Variants in STK3 observed in about 807,000 individuals in gnomAD.
STK3 encodes serine/threonine-protein kinase 3.
STK3 carries 41 observed loss-of-function variants against 58.0 expected under a neutral mutation model. The observed-to-expected ratio is 0.71, with a 90% CI of 0.55 to 0.92. The LOEUF is 0.92. Ranked by LOEUF, STK3 falls within the 40% of genes least tolerant of loss-of-function variation. The pLI, the probability that STK3 is intolerant of heterozygous loss-of-function variation, is 0.00. For synonymous variants in STK3, 170 were observed against 191.0 expected, an observed-to-expected ratio of 0.89 and a Z score of 0.91; for missense variants, 479 against 602.7, an observed-to-expected ratio of 0.79 and a Z score of 2.15.
intron 10 of STK3, among the ~76,000 whole-genome samples, chr8:98,458,110 CAT>C (rs752978953): frequency 2.1e-3 from 236 of 113,682 alleles, no homozygotes; most frequent in Middle Eastern, 9.1e-3. Context: ...CATACACACA[CAT>C]ATACACACAC....
chr8:98,569,761 C>T (rs945009011), intron 8 of STK3, among the ~76,000 whole-genome samples: 19 of 151,726 alleles, frequency 1.3e-4, no homozygotes, highest in African/African-American at 4.3e-4. Flanking sequence ...AAAAATTAGA[C>T]ATAACAAGTA....
At chr8:98,467,876 A>G (rs1563632365) in intron 10 of STK3, among the ~76,000 whole-genome samples, 1 of 152,150 alleles carries the variant, frequency 6.6e-6, no homozygotes. Context: ...TAATGTCACA[A>G]TTTTCTGCTT....
At chr8:98,355,842 C>T in the STK3 span, among the ~76,000 whole-genome samples, 1 of 152,188 alleles carries the variant, frequency 6.6e-6, no homozygotes, top group African/African-American at 2.4e-5. Flanking sequence ...TTTCCTGGTC[C>T]CCTGAGGTTG....
intron 10 of STK3, among the ~76,000 whole-genome samples, chr8:98,487,558 G>A (rs933934621): frequency 9.9e-5 from 15 of 152,228 alleles, no homozygotes; most frequent in Non-Finnish European, 1.5e-4. Flanking sequence ...TAAATTTTTT[G>A]TCAGGTACAA....
At chr8:98,642,174 G>A (rs992141038) in intron 6 of STK3, among the ~76,000 whole-genome samples, 4 of 152,080 alleles carry the variant, frequency 2.6e-5, no homozygotes, top group African/African-American at 9.7e-5. Context: ...TCAAACCAGT[G>A]GATCTCATGA....
At chr8:98,407,554 G>A (rs996630971) in intron 3 of STK3, among the ~76,000 whole-genome samples, 8 of 152,252 alleles carry the variant, frequency 5.3e-5, no homozygotes, top group African/African-American at 1.7e-4. Context: ...AGAGGGAACT[G>A]CCATGAATGT....
intron 9 of STK3, among the ~76,000 whole-genome samples, chr8:98,542,069 G>T (rs1159101012): frequency 6.6e-6 from 1 of 152,124 alleles, no homozygotes; most frequent in Non-Finnish European, 1.5e-5. Flanking sequence ...GTGCTAAATG[G>T]TAGTGAAATG....
intron 2 of STK3, among the ~76,000 whole-genome samples, chr8:98,774,345 A>G (rs1307189963): frequency 6.6e-6 from 1 of 152,156 alleles, no homozygotes; most frequent in African/African-American, 2.4e-5. Flanking sequence ...TTCTTGTCAT[A>G]TCAAGACAAA....
intron 8 of STK3, among the ~76,000 whole-genome samples, chr8:98,554,743 C>T (rs1030651492): frequency 2.6e-5 from 4 of 152,104 alleles, no homozygotes; most frequent in African/African-American, 9.6e-5. Flanking sequence ...AATTAGAAAA[C>T]TCACTTATAA....
At chr8:98,519,697 G>A (rs1337756268) in intron 10 of STK3, among the ~76,000 whole-genome samples, 1 of 152,064 alleles carries the variant, frequency 6.6e-6, no homozygotes, top group Non-Finnish European at 1.5e-5. Flanking sequence ...TTATACTTGG[G>A]GAGCAAAGTT....
At chr8:98,662,002 T>A (rs1587211204) in intron 6 of STK3, among the ~76,000 whole-genome samples, 1 of 152,254 alleles carries the variant, frequency 6.6e-6, no homozygotes. Flanking sequence ...TCCCACAGAC[T>A]GTAAGCTTCT....
At chr8:98,815,503 A>C (rs1834488590) in intron 1 of STK3, among the ~76,000 whole-genome samples, 1 of 152,242 alleles carries the variant, frequency 6.6e-6, no homozygotes, top group African/African-American at 2.4e-5. Context: ...GATGGGCCCC[A>C]AATATCACAG....
At chr8:98,414,467 C>T (rs1293742489) in intron 3 of STK3, among the ~76,000 whole-genome samples, 2 of 152,138 alleles carry the variant, frequency 1.3e-5, no homozygotes, top group Admixed American at 6.5e-5. Flanking sequence ...ATCTAAGAAA[C>T]AGAAGATTGT....
intron 6 of STK3, among the ~76,000 whole-genome samples, chr8:98,615,001 AG>A (rs1280000683): frequency 6.6e-6 from 1 of 152,222 alleles, no homozygotes; most frequent in Non-Finnish European, 1.5e-5. Context: ...CTCCACGTCT[AG>A]GGGCAGGGCA....
At chr8:98,709,337 T>C (rs1826213352) in intron 4 of STK3, among the ~76,000 whole-genome samples, 2 of 152,030 alleles carry the variant, frequency 1.3e-5, no homozygotes, top group South Asian at 2.1e-4. Context: ...ACCATGTGAA[T>C]GGCTATCTGG....
chr8:98,659,584 G>C (rs1020865122), intron 6 of STK3, among the ~76,000 whole-genome samples: 1 of 151,668 alleles, frequency 6.6e-6, no homozygotes, highest in African/African-American at 2.4e-5. Context: ...CCTTGAGGCA[G>C]CATTAGGTGC....
intron 9 of STK3, among the ~76,000 whole-genome samples, chr8:98,533,916 G>A (rs895199446): frequency 6.6e-6 from 1 of 152,092 alleles, no homozygotes; most frequent in Non-Finnish European, 1.5e-5. Flanking sequence ...GTTTTTGACT[G>A]TCTACCCAGA....
At chr8:98,548,260 T>C (rs2131584814) in intron 8 of STK3, 99 bp from the exon 9 acceptor site, 2 of 880,898 alleles carry the variant, frequency 2.3e-6, no homozygotes, top group Non-Finnish European at 3.1e-6. Flanking sequence ...TTAATACTTA[T>C]TAAAAATACT....
chr8:98,674,463 TAA>T (rs1354503088), intron 6 of STK3, among the ~76,000 whole-genome samples: 1 of 152,070 alleles, frequency 6.6e-6, no homozygotes, highest in Non-Finnish European at 1.5e-5. Context: ...AAGCAAATTT[TAA>T]AAAGACAAAA....
Sources: gnomAD v4.1 joint callset for allele counts (sites outside exome capture counted in the v4.1 genomes callset) on GRCh38, gnomAD v4.1.1 for gene constraint, MANE v1.5 for transcripts, NCBI Gene and HGNC (gene_info 2026-07-23, HGNC 2026-07-21) for gene names.